The following DPH6 variants were observed in gnomAD, a reference collection of about 807,000 sequenced individuals.
DPH6 encodes the protein diphthine--ammonia ligase.
A neutral mutation model predicts 38.2 loss-of-function variants in DPH6; 33 were observed. The observed-to-expected ratio is 0.86, with a 90% CI of 0.65 to 1.15. The LOEUF (loss-of-function observed/expected upper bound fraction) is 1.15, where lower values mean the gene tolerates loss of function less well. Among genes scored for constraint, DPH6 ranks in the 50% most tolerant of loss-of-function variants. The pLI is 0.00. For synonymous variants in DPH6, 108 were observed against 103.0 expected (o/e 1.05, Z -0.30); for missense variants, 325 against 320.0 (o/e 1.02, Z -0.12).
intron 3 of DPH6, among the ~76,000 whole-genome samples, chr15:35,488,680 T>C (rs912671924): frequency 3.3e-5 from 5 of 152,066 alleles, no homozygotes; most frequent in Admixed American, 1.3e-4. Flanking sequence ...AGACAAACCA[T>C]ATCAGTAGTT....
chr15:35,525,764 T>C (rs561669980), intron 3 of DPH6, among the ~76,000 whole-genome samples: 35 of 152,198 alleles, frequency 2.3e-4, no homozygotes, highest in African/African-American at 8.4e-4. Context: ...GAACTGAGCC[T>C]GGGAGTTCAA....
the DPH6 span, among the ~76,000 whole-genome samples, chr15:35,172,277 T>TCCACA: frequency 6.6e-6 from 1 of 152,224 alleles, no homozygotes; most frequent in African/African-American, 2.4e-5. Context: ...CAATCTCTGG[T>TCCACA]TATTTGACAC....
the DPH6 span, among the ~76,000 whole-genome samples, chr15:35,184,425 T>C: frequency 3.9e-5 from 6 of 152,140 alleles, no homozygotes; most frequent in Non-Finnish European, 8.8e-5. Flanking sequence ...TGAAAAGTAA[T>C]AGGATTGGCC....
intron 3 of DPH6, among the ~76,000 whole-genome samples, chr15:35,229,040 A>G (rs534035137): frequency 2.0e-5 from 3 of 152,192 alleles, no homozygotes; most frequent in African/African-American, 7.2e-5. Context: ...TCCTTGGGTT[A>G]AATCTTCTGG....
intron 5 of DPH6, among the ~76,000 whole-genome samples, chr15:35,420,156 A>T (rs2141011451): frequency 6.6e-6 from 1 of 152,324 alleles, no homozygotes; most frequent in Non-Finnish European, 1.5e-5. Flanking sequence ...GAAGTGTGTG[A>T]AAATTAAACA....
intron 3 of DPH6, among the ~76,000 whole-genome samples, chr15:35,531,585 C>T (rs1290227977): frequency 6.6e-6 from 1 of 152,024 alleles, no homozygotes; most frequent in African/African-American, 2.4e-5. Context: ...ACAATTCTCT[C>T]GCCTCAGCCT....
At chr15:35,381,682 G>C (rs2038195288) in intron 7 of DPH6, 140 bp downstream of exon 7, 2 of 678,404 alleles carry the variant, frequency 2.9e-6, no homozygotes, top group Non-Finnish European at 5.2e-6. Flanking sequence ...AACTTCACTG[G>C]TATTAAACAA....
intron 3 of DPH6, among the ~76,000 whole-genome samples, chr15:35,286,340 G>A (rs1566859903): frequency 6.6e-6 from 1 of 152,108 alleles, no homozygotes; most frequent in African/African-American, 2.4e-5. Flanking sequence ...AGACTCATTC[G>A]CAGAGTGGCA....
chr15:35,288,298 GA>G (rs2051956969), intron 3 of DPH6, among the ~76,000 whole-genome samples: 1 of 151,952 alleles, frequency 6.6e-6, no homozygotes, highest in African/African-American at 2.4e-5. Context: ...TTACCTTTAG[GA>G]AAAAGGAAAG....
intron 3 of DPH6, among the ~76,000 whole-genome samples, chr15:35,351,815 G>C (rs1274792222): frequency 1.3e-5 from 2 of 149,490 alleles, no homozygotes; most frequent in East Asian, 3.9e-4. Context: ...CTGAACTCTT[G>C]GGATCAAGGG....
intron 3 of DPH6, among the ~76,000 whole-genome samples, chr15:35,293,160 G>A (rs1566861419): frequency 6.6e-6 from 1 of 152,108 alleles, no homozygotes; most frequent in Non-Finnish European, 1.5e-5. Flanking sequence ...GACTAAGGCA[G>A]CTTTCTGTGT....
chr15:35,344,329 C>T (rs1171185018), intron 3 of DPH6, among the ~76,000 whole-genome samples: 1 of 151,928 alleles, frequency 6.6e-6, no homozygotes, highest in African/African-American at 2.4e-5. Flanking sequence ...CACAATAGAA[C>T]TGACCCTTAG....
At chr15:35,517,908 T>C (rs1037710156) in intron 3 of DPH6, among the ~76,000 whole-genome samples, 1 of 152,118 alleles carries the variant, frequency 6.6e-6, no homozygotes, top group Non-Finnish European at 1.5e-5. Context: ...ATTCATTTCC[T>C]ATAATTATTT....
At chr15:35,498,053 A>G (rs1321084704) in intron 3 of DPH6, among the ~76,000 whole-genome samples, 2 of 152,188 alleles carry the variant, frequency 1.3e-5, no homozygotes, top group Non-Finnish European at 2.9e-5. Context: ...TACTTTCAAT[A>G]GGTTGAGCAG....
At chr15:35,332,447 T>C (rs750121913) in intron 3 of DPH6, among the ~76,000 whole-genome samples, 1 of 152,224 alleles carries the variant, frequency 6.6e-6, no homozygotes, top group Non-Finnish European at 1.5e-5. Flanking sequence ...TTCCTTTTTA[T>C]CTCAATAAAG....
At chr15:35,465,629 A>G (rs1724780139) in intron 3 of DPH6, among the ~76,000 whole-genome samples, 1 of 152,188 alleles carries the variant, frequency 6.6e-6, no homozygotes, top group Non-Finnish European at 1.5e-5. Flanking sequence ...TAATTAAAAT[A>G]TTGCTGGACT....
intron 5 of DPH6, among the ~76,000 whole-genome samples, chr15:35,431,023 T>G (rs994390710): frequency 6.6e-6 from 1 of 152,162 alleles, no homozygotes; most frequent in Non-Finnish European, 1.5e-5. Context: ...TTTATTTTTC[T>G]TGCCTATATT....
At chr15:35,352,531 T>C (rs1267099585) in intron 3 of DPH6, among the ~76,000 whole-genome samples, 9 of 152,178 alleles carry the variant, frequency 5.9e-5, no homozygotes, top group Admixed American at 5.9e-4. Context: ...ACATGTGATA[T>C]TTGGTTTTTT....
At chr15:35,450,060 T>C (rs899144380) in intron 5 of DPH6, among the ~76,000 whole-genome samples, 2 of 152,106 alleles carry the variant, frequency 1.3e-5, no homozygotes, top group African/African-American at 2.4e-5. Flanking sequence ...AATATAATTA[T>C]AGAAATTCCA....
Sources: gnomAD v4.1 joint callset for allele counts (sites outside exome capture counted in the v4.1 genomes callset) on GRCh38, gnomAD v4.1.1 for gene constraint, MANE v1.5 for transcripts, NCBI Gene and HGNC (gene_info 2026-07-23, HGNC 2026-07-21) for gene names.